Variants in CAPN8 observed in about 807,000 individuals in gnomAD.
CAPN8 encodes calpain 8.
CAPN8 carries 87 observed loss-of-function variants against 80.9 expected under a neutral mutation model. That is an observed-to-expected ratio of 1.07 (90% confidence interval 0.90 to 1.28). The LOEUF is 1.28. Ranked by LOEUF, CAPN8 falls within the 50% of genes most tolerant of loss-of-function variation. The probability of loss-of-function intolerance (pLI) is 0.00; values close to 1 mark genes in which losing one functional copy is unlikely to be tolerated. For synonymous variants in CAPN8, 299 were observed against 273.8 expected, an observed-to-expected ratio of 1.09 and a Z score of -0.91; for missense variants, 757 against 702.0, an observed-to-expected ratio of 1.08 and a Z score of -0.89.
chr1:223,637,263 A>C (rs1344189971), intron 2 of CAPN8, among the ~76,000 whole-genome samples: 1 of 152,184 alleles, frequency 6.6e-6, no homozygotes, highest in Non-Finnish European at 1.5e-5. Context: ...CTGGGTCTCC[A>C]GTGCCCCCAT....
chr1:223,643,872 G>A lies in CAPN8; in HGVS notation c.307+10458C>T, dbSNP rs767927324. ...GTAAACCCGTCCTAACCTGCTTGCC[G>A]ATCTAGTCTGTCCAGCGCGTACAGT... On this transcript the variant is annotated intron_variant, in intron 2 of 20. Transcript: ENST00000366872. 3.3e-5 allele frequency among the ~76,000 whole-genome samples: 5 copies of A among 152,174 alleles called. No homozygotes were observed. The South Asian group carries it at 6.2e-4, about 19-fold the overall frequency.
intron 2 of CAPN8, among the ~76,000 whole-genome samples, chr1:223,641,220 G>T (rs1322451346): frequency 1.3e-5 from 2 of 152,102 alleles, no homozygotes; most frequent in Non-Finnish European, 2.9e-5. Flanking sequence ...CCCTCAAAAA[G>T]TCAACAACTG....
intron 10 of CAPN8, 22 bp from the exon 11 acceptor site, chr1:223,612,279 C>A (rs1484086205): frequency 8.1e-7 from 1 of 1,234,188 alleles, no homozygotes; most frequent in Non-Finnish European, 1.0e-6. Context: ...AAGAAAAGAG[C>A]AGGTCACCTG....
chr1:223,662,429 A>C (rs1200133388), intron 1 of CAPN8, among the ~76,000 whole-genome samples: 1 of 152,150 alleles, frequency 6.6e-6, no homozygotes, highest in African/African-American at 2.4e-5. Context: ...AGCCTGGGCA[A>C]CAGAGAAAGA....
In CAPN8 at chr1:223,625,857, G is replaced by A. The variant is rs1471424877; in HGVS notation, c.761C>T (p.Thr254Ile). 6.4e-7 allele frequency: 1 copy of A among 1,551,600 alleles called. No individual in the cohort carries two copies. Among genetic ancestry groups the A allele is most frequent in the Non-Finnish European group, 8.7e-7 (1 of 1,146,858 alleles). Residue 254 changes from threonine to isoleucine, a missense_variant, in exon 6 of 21, where the codon ACC becomes ATC. Coordinates refer to ENST00000366872, the MANE Select transcript of CAPN8 (RefSeq NM_001143962.2). The part of the protein sequence containing the change: ...VSSAAEAEAI[T>I]SQKLVKSHAY... ...ATGACTCTTAACCAGCTTCTGGCTG[G>A]TGATGGCTTCGGCTTCGGCTGCACT...
intron 19 of CAPN8, 103 bp downstream of exon 19, chr1:223,543,964 T>C (rs536074845): frequency 4.0e-5 from 26 of 646,294 alleles, no homozygotes; most frequent in Middle Eastern, 2.6e-4. Context: ...TCTGGGTCCC[T>C]GGCCTCCTAA....
At position 223,628,250 on chromosome 1, in the gene CAPN8, T is replaced by C. The variant is rs868324656; in HGVS notation, c.427-108A>G. 8.4e-6 allele frequency: 11 copies of C among 1,311,114 alleles called. No individual in the cohort carries two copies. In the South Asian group the frequency reaches 1.2e-4, roughly 15 times the overall value. 81.2% of individuals were successfully genotyped at this position (1,311,114 alleles called of 1,614,324 possible). ...CTCTGTGCCATCAGTGTTCGAGTCT[T>C]GGCTCCTTAGGAGCAGGACATGTGT... On this transcript the variant is annotated intron_variant, in intron 3 of 20. Transcript: ENST00000366872.
chr1:223,661,858 G>T (rs1658654037), intron 1 of CAPN8, among the ~76,000 whole-genome samples: 1 of 152,116 alleles, frequency 6.6e-6, no homozygotes, highest in Admixed American at 6.5e-5. Context: ...TCAAAGAGAA[G>T]TTTGTATGCC....
chr1:223,645,459 C>G (rs576699385), intron 2 of CAPN8, among the ~76,000 whole-genome samples: 1 of 152,282 alleles, frequency 6.6e-6, no homozygotes, highest in Admixed American at 6.5e-5. Flanking sequence ...TACCCAAGAT[C>G]CAGCAGAGAA....
chr1:223,649,333 A>T (rs1658277047), intron 2 of CAPN8, among the ~76,000 whole-genome samples: 1 of 152,208 alleles, frequency 6.6e-6, no homozygotes, highest in Non-Finnish European at 1.5e-5. Flanking sequence ...AGGTAGAGTT[A>T]GCAGTTACTG....
At chr1:223,651,419 C>T (rs190323715) in intron 2 of CAPN8, among the ~76,000 whole-genome samples, 3 of 152,312 alleles carry the variant, frequency 2.0e-5, no homozygotes, top group Admixed American at 2.0e-4. Flanking sequence ...CATTCAGCTT[C>T]CTCAATCTTT....
intron 16 of CAPN8, among the ~76,000 whole-genome samples, chr1:223,545,843 T>TTTTTGG (rs1656606802): frequency 6.7e-6 from 1 of 148,650 alleles, no homozygotes; most frequent in Admixed American, 6.7e-5. Flanking sequence ...TTTTTTTTTT[T>TTTTTGG]GAGACGGAGT....
At position 223,609,960 on chromosome 1, in the gene CAPN8, C is replaced by T. The variant is rs1028185142; in HGVS notation, c.1324-596G>A. Among the ~76,000 whole-genome samples the T allele has an allele frequency of 7.9e-5, 12 of 152,314 alleles. No homozygotes were observed. The East Asian group carries it at 2.1e-3, about 27-fold the overall frequency. On this transcript the variant is annotated intron_variant, in intron 11 of 20. Coordinates refer to ENST00000366872, the MANE Select transcript of CAPN8 (RefSeq NM_001143962.2). ...GGTCCCCCCAGCCTCCCCAGGGCCT[C>T]GACTCTCCTCAACAGGCGACGATGC...
chr1:223,549,698 T>A, intron 15 of CAPN8: 1 of 483,912 alleles, frequency 2.1e-6, no homozygotes, highest in Non-Finnish European at 3.8e-6. Flanking sequence ...ATGGGAATAA[T>A]CATGATAGTA....
Position 223,627,173 on chromosome 1 carries a change from G to GAAC in CAPN8, c.561-19_561-17dup. On this transcript the variant is annotated splice_polypyrimidine_tract_variant and intron_variant, in intron 4 of 20. Transcript: ENST00000366872. ...ACCATTAAGCCTATTGGAAAAGAAAGAACACATGCTCCATTAGCACCCTCA... is the reference window on the plus strand; with the variant it reads ...ACCATTAAGCCTATTGGAAAAGAAAGAACAACACATGCTCCATTAGCACCCTCA... 6.4e-7 allele frequency: 1 copy of GAAC among 1,551,968 alleles called. No homozygotes were observed. Among genetic ancestry groups the GAAC allele is most frequent in the Non-Finnish European group, 8.7e-7 (1 of 1,146,866 alleles).
At chr1:223,655,652 G>C (rs1049503705) in intron 1 of CAPN8, among the ~76,000 whole-genome samples, 1 of 152,156 alleles carries the variant, frequency 6.6e-6, no homozygotes, top group African/African-American at 2.4e-5. Context: ...TATCCACAAA[G>C]GGAGAAAAAA....
At position 223,622,884 on chromosome 1, in the gene CAPN8, T is replaced by C. The variant is rs1368735602; in HGVS notation, c.830A>G (p.His277Arg). The stretch of plus-strand genomic sequence containing the variant: ...CCTGAGTCTGATCAGCTTCTCTGGA[T>C]GGCCCTGGAAATTCACCTGCAAATT... The part of the protein sequence containing the change: ...TGVEEVNFQG[H>R]PEKLIRLRNP... Residue 277 changes from histidine (H) to arginine (R), a missense_variant, in exon 7 of 21, where the codon CAT becomes CGT. By Grantham distance (29) the His-to-Arg change is conservative (BLOSUM62 0). Transcript: ENST00000366872. 1 of 1,551,688 alleles carries C rather than the reference T, an allele frequency of 6.4e-7. No homozygotes were observed. Among genetic ancestry groups the C allele is most frequent in the Non-Finnish European group, 8.7e-7 (1 of 1,146,958 alleles).
chr1:223,554,776 T>A, intron 13 of CAPN8, among the ~76,000 whole-genome samples: 1 of 152,232 alleles, frequency 6.6e-6, no homozygotes. Flanking sequence ...CACTCTGTTA[T>A]TGATTTAACC....
intron 16 of CAPN8, among the ~76,000 whole-genome samples, chr1:223,547,553 A>C (rs2102688176): frequency 6.6e-6 from 1 of 152,348 alleles, no homozygotes; most frequent in Middle Eastern, 3.4e-3. Flanking sequence ...ATGGTTGCTT[A>C]ACTCTGAATA....
Sources: allele counts gnomAD v4.1 joint callset (sites outside exome capture counted in the v4.1 genomes callset), GRCh38; gene constraint gnomAD v4.1.1; transcripts MANE v1.5; gene names NCBI Gene and HGNC (gene_info 2026-07-23, HGNC 2026-07-21).